The following PRKN variants were observed in gnomAD, a reference collection of about 807,000 sequenced individuals.
The protein encoded by PRKN is E3 ubiquitin-protein ligase parkin.
Under a neutral mutation model 59.5 loss-of-function variants are expected in PRKN, and 56 were observed. The observed-to-expected ratio is 0.94, with a 90% CI of 0.76 to 1.18. The LOEUF is 1.18. Among genes scored for constraint, PRKN ranks in the 50% most tolerant of loss-of-function variants. The probability of loss-of-function intolerance (pLI) is 0.00; values close to 1 mark genes in which losing one functional copy is unlikely to be tolerated. For missense variants in PRKN, 657 were observed against 596.4 expected, an observed-to-expected ratio of 1.10 and a Z score of -1.06; for synonymous variants, 250 against 222.1, an observed-to-expected ratio of 1.13 and a Z score of -1.12.
rs1190193814 is a variant in PRKN at position 161,359,126 on chromosome 6, C to T, written c.1285+962G>A. ...GCTCTTTATAGGTGCATGCCAATCC[C>T]TTCATTTTCTAGGAGCACTGCTGCA... On this transcript the variant is annotated intron_variant, in intron 11 of 11. Coordinates refer to ENST00000366898, the MANE Select transcript of PRKN (RefSeq NM_004562.3). This position sits in a 1 kb window ranked among gnomAD's most constrained non-coding sequence, Gnocchi z 5.4. Among the ~76,000 whole-genome samples, 1 of 152,110 alleles carries T rather than the reference C, an allele frequency of 6.6e-6. No individual in the cohort carries two copies. Among genetic ancestry groups the T allele is most frequent in the Admixed American group, 6.6e-5 (1 of 15,258 alleles).
chr6:162,398,465 AC>A (rs764661544), intron 2 of PRKN, among the ~76,000 whole-genome samples: 2 of 151,862 alleles, frequency 1.3e-5, no homozygotes, highest in African/African-American at 4.8e-5. Flanking sequence ...ATCTCGGCTC[AC>A]TGAAACCTCT....
At chr6:161,929,356 C>G (rs959658774) in intron 6 of PRKN, among the ~76,000 whole-genome samples, 7 of 151,932 alleles carry the variant, frequency 4.6e-5, no homozygotes, top group African/African-American at 1.7e-4. Flanking sequence ...GCTGGGAAGA[C>G]AGGGAAATGG....
At position 161,458,547 on chromosome 6, in the gene PRKN, A is replaced by G. The variant is rs369468099; in HGVS notation, c.1084-71670T>C. Among the ~76,000 whole-genome samples, 70 of 152,356 alleles carry G rather than the reference A, an allele frequency of 4.6e-4. 3 individuals are homozygous for G. In the South Asian group the frequency reaches 0.013, roughly 29 times the overall value. ...AATGCTCAGTAATGTGAAAACATCA[A>G]TTATTTCCTTCCTACATTTAAATGA... On this transcript the variant is annotated intron_variant, in intron 9 of 11. Transcript: ENST00000366898. This position sits in a 1 kb window ranked among gnomAD's most constrained non-coding sequence, Gnocchi z 6.1.
chr6:162,605,458 T>C (rs1256162312), intron 1 of PRKN, among the ~76,000 whole-genome samples: 2 of 152,160 alleles, frequency 1.3e-5, no homozygotes, highest in Non-Finnish European at 2.9e-5. Context: ...ATCAATTCCT[T>C]GGTATAATTT....
intron 2 of PRKN, among the ~76,000 whole-genome samples, chr6:162,290,716 A>C (rs976680612): frequency 6.6e-6 from 1 of 152,200 alleles, no homozygotes; most frequent in Non-Finnish European, 1.5e-5. Flanking sequence ...CATTAATGGC[A>C]ATTTCCTCTT....
chr6:162,713,329 T>A (rs1778607430), intron 1 of PRKN, among the ~76,000 whole-genome samples: 1 of 151,740 alleles, frequency 6.6e-6, no homozygotes, highest in African/African-American at 2.4e-5. Flanking sequence ...CCCGTCTCTA[T>A]TAAAAATACA....
intron 6 of PRKN, among the ~76,000 whole-genome samples, chr6:161,883,493 G>A (rs541555230): frequency 7.4e-4 from 112 of 150,574 alleles, no homozygotes; most frequent in Admixed American, 2.3e-3. Context: ...ACAAAGGGAA[G>A]GGAAGGGAAG....
rs1438440382 is a variant in PRKN, at chr6:161,378,306, C to T, written c.1167+8488G>A. Among the ~76,000 whole-genome samples, 2 of 152,188 alleles carry T rather than the reference C, an allele frequency of 1.3e-5. No individual in the cohort carries two copies. The highest frequency in any genetic ancestry group is 2.9e-5 in the Non-Finnish European group (2 of 68,026). ...CAGCAGTCCTGGGCCAGGGCACTCCCGTGTGGAGGAAGCGTGGTGGTGAGG... is the reference window on the plus strand; with the variant it reads ...CAGCAGTCCTGGGCCAGGGCACTCCTGTGTGGAGGAAGCGTGGTGGTGAGG... On this transcript the variant is annotated intron_variant, in intron 10 of 11. Transcript: ENST00000366898. The surrounding 1 kb of genome is among the most constrained non-coding windows in gnomAD (Gnocchi z 7.3).
intron 10 of PRKN, among the ~76,000 whole-genome samples, chr6:161,382,111 C>CAAAAAAAAAAAAAA (rs59174358): frequency 1.7e-4 from 8 of 46,258 alleles, no homozygotes; most frequent in Non-Finnish European, 2.3e-4. Context: ...GACTCCATCT[C>CAAAAAAAAAAAAAA]AAAAAAAAAA....
chr6:162,340,002 G>A (rs899270154), intron 2 of PRKN, among the ~76,000 whole-genome samples: 1 of 147,350 alleles, frequency 6.8e-6, no homozygotes, highest in Non-Finnish European at 1.5e-5. Flanking sequence ...AAACACTGCG[G>A]AAGGCCGCAG....
chr6:161,509,589 A>G (rs528388383), intron 9 of PRKN, among the ~76,000 whole-genome samples: 4 of 151,390 alleles, frequency 2.6e-5, no homozygotes, highest in South Asian at 2.1e-4. Context: ...GGGGAAAAAA[A>G]GAAAAAAAGG....
chr6:161,429,801 G>A lies in PRKN; in HGVS notation c.1084-42924C>T, dbSNP rs1788558595. On this transcript the variant is annotated intron_variant, in intron 9 of 11. Coordinates refer to ENST00000366898, the MANE Select transcript of PRKN (RefSeq NM_004562.3). The surrounding 1 kb of genome is among the most constrained non-coding windows in gnomAD (Gnocchi z 4.2). ...CACTTGGATACCTGGAAATATTCAT[G>A]GCTCCAGGTAGCTACCAAGAGAAGA... Among the ~76,000 whole-genome samples the A allele has an allele frequency of 1.3e-5, 2 of 152,046 alleles. No homozygotes were observed. The highest frequency in any genetic ancestry group is 6.5e-5 in the Admixed American group (1 of 15,268).
At chr6:162,271,365 C>T (rs538305157) in intron 2 of PRKN, 5 of 151,862 alleles carry the variant, frequency 3.3e-5, no homozygotes, top group African/African-American at 1.2e-4. Context: ...TAGTGAAACC[C>T]GTGTCTACTA....
In PRKN at chr6:161,735,940, C is replaced by T. The variant is rs140252897; in HGVS notation, c.871+49832G>A. On this transcript the variant is annotated intron_variant, in intron 7 of 11. Coordinates refer to ENST00000366898, the MANE Select transcript of PRKN (RefSeq NM_004562.3). Reference sequence around the variant, plus strand: ...AGAAAAAACAAAAAAAAAAGTGAGACTATAAAAATCTATTTTGCATCCTTC... The same window carrying T: ...AGAAAAAACAAAAAAAAAAGTGAGATTATAAAAATCTATTTTGCATCCTTC... Among the ~76,000 whole-genome samples the T allele has an allele frequency of 3.1e-3, 468 of 152,088 alleles. 4 individuals carry two copies. Among genetic ancestry groups the T allele is most frequent in the African/African-American group, 9.6e-3 (400 of 41,502 alleles).
chr6:162,669,475 C>T (rs943265980), intron 1 of PRKN, among the ~76,000 whole-genome samples: 49 of 152,160 alleles, frequency 3.2e-4, no homozygotes, highest in African/African-American at 1.1e-3. Context: ...TACTTGAATA[C>T]GTTTACATAT....
At position 161,361,757 on chromosome 6, in the gene PRKN, T is replaced by C. The variant is rs1280262595; in HGVS notation, c.1168-1552A>G. On this transcript the variant is annotated intron_variant, in intron 10 of 11. Coordinates refer to ENST00000366898, the MANE Select transcript of PRKN (RefSeq NM_004562.3). This position sits in a 1 kb window ranked among gnomAD's most constrained non-coding sequence, Gnocchi z 5.2. The stretch of plus-strand genomic sequence containing the variant: ...GTGATTTGTGAATACTTTGCTAGAA[T>C]AACGTGGAGTCAGCTGCTCGGAGGC... Among the ~76,000 whole-genome samples the C allele has an allele frequency of 6.6e-6, 1 of 152,222 alleles. No homozygotes were observed. The highest frequency in any genetic ancestry group is 1.5e-5 in the Non-Finnish European group (1 of 68,046).
chr6:162,408,219 TTACA>T (rs1452911206), intron 2 of PRKN, among the ~76,000 whole-genome samples: 1 of 152,020 alleles, frequency 6.6e-6, no homozygotes, highest in African/African-American at 2.4e-5. Context: ...GTCGGGGTAC[TTACA>T]TAAAGTTGCA....
chr6:162,129,570 A>G (rs1230871551), intron 4 of PRKN, among the ~76,000 whole-genome samples: 1 of 152,212 alleles, frequency 6.6e-6, no homozygotes, highest in Non-Finnish European at 1.5e-5. Flanking sequence ...AAAAACTTGG[A>G]ACGTTCCTCA....
At chr6:161,777,810 A>G (rs1299986289) in intron 7 of PRKN, among the ~76,000 whole-genome samples, 1 of 140,564 alleles carries the variant, frequency 7.1e-6, no homozygotes, top group South Asian at 2.2e-4. Flanking sequence ...GTATATATGT[A>G]TATATGTGTA....
Sources: allele counts gnomAD v4.1 joint callset (sites outside exome capture counted in the v4.1 genomes callset), GRCh38; gene constraint gnomAD v4.1.1; non-coding constraint Gnocchi (gnomAD v3.1); transcripts MANE v1.5; gene names NCBI Gene and HGNC (gene_info 2026-07-23, HGNC 2026-07-21).